ERC1: variants seen among roughly 807,000 people sequenced by gnomAD.
ERC1 encodes the protein ELKS/RAB6-interacting/CAST family member 1, also known as RAB6 interacting protein 2.
Under a neutral mutation model 132.0 loss-of-function variants are expected in ERC1, and 56 were observed. The observed-to-expected ratio is 0.42, with a 90% CI of 0.34 to 0.53. The LOEUF is 0.53. ERC1 is among the 20% of genes least tolerant of loss of function. The pLI, the probability that ERC1 is intolerant of heterozygous loss-of-function variation, is 0.03. For missense variants in ERC1, 1,202 were observed against 1,349.9 expected (o/e 0.89, Z 1.72); for synonymous variants, 478 against 476.1 (o/e 1.00, Z -0.05).
intron 15 of ERC1, among the ~76,000 whole-genome samples, chr12:1,303,312 T>A (rs2080556492): frequency 6.6e-6 from 1 of 152,222 alleles, no homozygotes; most frequent in Non-Finnish European, 1.5e-5. Flanking sequence ...AGAACTTCTT[T>A]CAAAATTGGA....
At chr12:1,457,110 C>T (rs554815208) in intron 18 of ERC1, among the ~76,000 whole-genome samples, 2 of 152,164 alleles carry the variant, frequency 1.3e-5, no homozygotes, top group African/African-American at 2.4e-5. Context: ...GCCTACAGTA[C>T]GTAGTACAGT....
chr12:1,237,672 A>T (rs2075512740), intron 13 of ERC1, among the ~76,000 whole-genome samples: 1 of 152,244 alleles, frequency 6.6e-6, no homozygotes, highest in South Asian at 2.1e-4. Context: ...CACAGCTTCT[A>T]AATGGCTCAG....
chr12:1,325,941 T>G (rs189969892), intron 15 of ERC1, among the ~76,000 whole-genome samples: 2 of 152,332 alleles, frequency 1.3e-5, no homozygotes, highest in East Asian at 3.9e-4. Flanking sequence ...AGTTGGATAT[T>G]TGCTGAAGTC....
chr12:1,376,332 T>C (rs2087908406), intron 16 of ERC1, among the ~76,000 whole-genome samples: 1 of 152,214 alleles, frequency 6.6e-6, no homozygotes, highest in Non-Finnish European at 1.5e-5. Context: ...CTGGCTGAAG[T>C]CCTCAACATT....
intron 2 of ERC1, among the ~76,000 whole-genome samples, chr12:1,082,872 C>T (rs914698184): frequency 2.6e-5 from 4 of 152,052 alleles, no homozygotes; most frequent in Admixed American, 1.3e-4. Flanking sequence ...ATTTAGTTTC[C>T]GTGTTAATAT....
At chr12:1,140,365 C>T (rs997088417) in intron 7 of ERC1, among the ~76,000 whole-genome samples, 3 of 152,098 alleles carry the variant, frequency 2.0e-5, no homozygotes, top group Non-Finnish European at 4.4e-5. Context: ...CTAAAATGCA[C>T]GGGACTAGAA....
intron 1 of ERC1, among the ~76,000 whole-genome samples, chr12:1,000,478 C>G (rs1962001307): frequency 6.7e-6 from 1 of 149,450 alleles, no homozygotes. Flanking sequence ...AGAGCGAGAC[C>G]CTGTCTCAGA....
intron 8 of ERC1, among the ~76,000 whole-genome samples, chr12:1,172,705 CA>C (rs202066456): frequency 3.4e-4 from 49 of 144,342 alleles, no homozygotes; most frequent in African/African-American, 5.3e-4. Flanking sequence ...AGAGTTTATA[CA>C]AAAAAAAAAC....
intron 12 of ERC1, among the ~76,000 whole-genome samples, chr12:1,222,180 A>G (rs1047623665): frequency 2.0e-5 from 3 of 151,766 alleles, no homozygotes; most frequent in Non-Finnish European, 4.4e-5. Context: ...TGACCAAAGC[A>G]TTATCATCAT....
chr12:1,475,120 C>T (rs191997074), intron 18 of ERC1, among the ~76,000 whole-genome samples: 2 of 152,310 alleles, frequency 1.3e-5, no homozygotes, highest in East Asian at 1.9e-4. Flanking sequence ...ATACTTGTCC[C>T]GTATTCCATC....
At chr12:1,431,897 T>C (rs1184145217) in intron 17 of ERC1, among the ~76,000 whole-genome samples, 1 of 152,212 alleles carries the variant, frequency 6.6e-6, no homozygotes, top group Non-Finnish European at 1.5e-5. Context: ...AGTTACACTT[T>C]TGGTTTTTGT....
At chr12:1,024,360 GA>G (rs1008713204) in intron 1 of ERC1, among the ~76,000 whole-genome samples, 2 of 152,086 alleles carry the variant, frequency 1.3e-5, no homozygotes, top group African/African-American at 4.8e-5. Flanking sequence ...CAGCCTGGGT[GA>G]CAGAGGAGAC....
chr12:1,190,763 T>C (rs1296527212), intron 12 of ERC1, among the ~76,000 whole-genome samples: 1 of 152,184 alleles, frequency 6.6e-6, no homozygotes, highest in Non-Finnish European at 1.5e-5. Flanking sequence ...AATGTAAAAC[T>C]GTGCAGAAAC....
intron 15 of ERC1, among the ~76,000 whole-genome samples, chr12:1,293,417 C>T (rs1175204795): frequency 8.0e-6 from 1 of 125,712 alleles, no homozygotes; most frequent in African/African-American, 2.9e-5. Flanking sequence ...CGTGCCACTG[C>T]ACTCCAGCCT....
intron 7 of ERC1, among the ~76,000 whole-genome samples, chr12:1,137,918 A>C (rs1949420656): frequency 7.1e-6 from 1 of 140,102 alleles, no homozygotes; most frequent in Non-Finnish European, 1.5e-5. Flanking sequence ...TATGTATTAT[A>C]TAATACATAT....
intron 18 of ERC1, among the ~76,000 whole-genome samples, chr12:1,462,259 TA>T (rs2093658766): frequency 6.6e-6 from 1 of 152,142 alleles, no homozygotes; most frequent in Admixed American, 6.5e-5. Flanking sequence ...TAAAATGGCA[TA>T]ATATTTTAGA....
rs981720562 is a variant in ERC1 at position 1,491,295 on chromosome 12, T to G, written c.*1065T>G. On this transcript the variant is annotated 3_prime_UTR_variant, in exon 19 of 19. Coordinates refer to ENST00000360905, the MANE Select transcript of ERC1 (RefSeq NM_178040.4). ...CTCACTCACCCTGCTAGCTTTGCCC[T>G]TGACTCGTCTTCTCTGAACCTCAGC... is the stretch of plus-strand genomic sequence containing the variant. 5.2e-5 allele frequency: 12 copies of G among 231,122 alleles called. No individual in the cohort carries two copies. Among genetic ancestry groups the G allele is most frequent in the East Asian group, 3.7e-4 (6 of 16,332 alleles). 14.3% of individuals were successfully genotyped at this position (231,122 alleles called of 1,614,324 possible). A position where few individuals can be genotyped will look rare whatever the true frequency, so the allele number is the denominator to read the frequency against.
At chr12:1,200,329 CTTTA>C (rs1475276187) in intron 12 of ERC1, among the ~76,000 whole-genome samples, 3 of 151,896 alleles carry the variant, frequency 2.0e-5, no homozygotes, top group South Asian at 2.1e-4. Flanking sequence ...GTTTTGTTCC[CTTTA>C]TTTGTTTGTG....
chr12:1,060,849 C>A lies in ERC1; in HGVS notation c.670-22315C>A, dbSNP rs961230634. Among the ~76,000 whole-genome samples the A allele has an allele frequency of 3.3e-5, 5 of 151,932 alleles. No homozygotes were observed. The South Asian group carries it at 8.3e-4, about 25-fold the overall frequency. On this transcript the variant is annotated intron_variant, in intron 2 of 18. Transcript: ENST00000360905. ...CACGCCATTCTCCTGCCTCAGCCTC[C>A]TGAGTAGCTGGGACTACAGGTGCCC...
Sources: allele counts gnomAD v4.1 joint callset (sites outside exome capture counted in the v4.1 genomes callset), GRCh38; gene constraint gnomAD v4.1.1; transcripts MANE v1.5; gene names NCBI Gene and HGNC (gene_info 2026-07-23, HGNC 2026-07-21).